Variants in CRTC1 observed in about 807,000 individuals in gnomAD.
The protein encoded by CRTC1 is CREB-regulated transcription coactivator 1.
CRTC1 carries 18 observed loss-of-function variants against 66.1 expected under a neutral mutation model. The ratio of observed to expected loss-of-function variants is 0.27; its 90% CI spans 0.19 to 0.40. CRTC1 has a LOEUF of 0.40. CRTC1 is among the 10% of genes least tolerant of loss of function. The pLI, the probability that CRTC1 is intolerant of heterozygous loss-of-function variation, is 1.00. For synonymous variants in CRTC1, 416 were observed against 398.8 expected, an observed-to-expected ratio of 1.04 and a Z score of -0.51; for missense variants, 669 against 887.9, an observed-to-expected ratio of 0.75 and a Z score of 3.13.
chr19:18,688,645 T>C (rs937375854), intron 1 of CRTC1, among the ~76,000 whole-genome samples: 14 of 151,712 alleles, frequency 9.2e-5, no homozygotes, highest in African/African-American at 3.4e-4. Context: ...ACCATGTTGG[T>C]CAGGCTGGTC....
At position 18,781,103 on chromosome 19, in the gene CRTC1, G is replaced by A. The variant is rs1437860612; in HGVS notation, c.*3721G>A. 2 of 227,648 alleles carry A rather than the reference G, an allele frequency of 8.8e-6. No homozygotes were observed. Among genetic ancestry groups the A allele is most frequent in the Non-Finnish European group, 1.7e-5 (2 of 114,616 alleles). The allele number at this position is 227,648 out of a possible 1,614,324, so 14.1% of individuals were successfully genotyped here. Reference sequence around the variant, plus strand: ...TCCCGATGGAGCCGTCTCAGAGGCCGAGGGGCCCTCTGTGTGGGGGTGGGA... The same window carrying A: ...TCCCGATGGAGCCGTCTCAGAGGCCAAGGGGCCCTCTGTGTGGGGGTGGGA... On this transcript the variant is annotated 3_prime_UTR_variant, in exon 14 of 14. Transcript: ENST00000321949.
chr19:18,777,107 C>A lies in CRTC1; in HGVS notation c.1694-64C>A. On this transcript the variant is annotated intron_variant, in intron 13 of 13. Transcript: ENST00000321949. The surrounding 1 kb of genome is among the most constrained non-coding windows in gnomAD (Gnocchi z 5.5). ...CGCCCGGCGGGCATGCCTGGTCCGA[C>A]ACATGGATGCGAGCGATGGAGCCAG... 1 of 931,762 alleles carries A rather than the reference C, an allele frequency of 1.1e-6. No homozygotes were observed. The highest frequency in any genetic ancestry group is 1.7e-6 in the Non-Finnish European group (1 of 581,948). The allele number at this position is 931,762 out of a possible 1,614,324, so 57.7% of individuals were successfully genotyped here. A position where few individuals can be genotyped will look rare whatever the true frequency, so the allele number is the denominator to read the frequency against.
chr19:18,757,708 T>TA (rs200843762), intron 6 of CRTC1, among the ~76,000 whole-genome samples: 2,132 of 150,978 alleles, frequency 0.014, 47 homozygotes, highest in African/African-American at 0.048. Flanking sequence ...CCTCATCTCT[T>TA]AAAAAAAAAT....
chr19:18,721,179 C>T (rs1200136276), intron 1 of CRTC1, among the ~76,000 whole-genome samples: 1 of 149,764 alleles, frequency 6.7e-6, no homozygotes, highest in Non-Finnish European at 1.5e-5. Flanking sequence ...GCATACCCTA[C>T]TCCAGTTCAA....
Position 18,777,390 on chromosome 19 carries a change from C to T in CRTC1, c.*8C>T, listed in dbSNP as rs536298039. On this transcript the variant is annotated 3_prime_UTR_variant, in exon 14 of 14. Transcript: ENST00000321949. This position sits in a 1 kb window ranked among gnomAD's most constrained non-coding sequence, Gnocchi z 5.5. ...CGGATGGACCGCCTGTGAGCGGGCA[C>T]GCCGGCACCCTGCCGCTCAGCCGTC... The T allele has an allele frequency of 5.6e-6, 9 of 1,600,032 alleles. No individual in the cohort carries two copies. The highest frequency in any genetic ancestry group is 4.5e-5 in the East Asian group (2 of 44,838).
chr19:18,687,406 T>C (rs141832045), intron 1 of CRTC1, among the ~76,000 whole-genome samples: 1,805 of 152,254 alleles, frequency 0.012, 17 homozygotes, highest in South Asian at 0.036. Context: ...TAGAGTTCCA[T>C]CCTTTGCTCC....
intron 6 of CRTC1, 86 bp from the exon 7 acceptor site, chr19:18,759,465 C>A (rs2054564176): frequency 1.5e-6 from 2 of 1,367,678 alleles, no homozygotes; most frequent in Non-Finnish European, 2.0e-6. Context: ...GTGGGAAGAT[C>A]AGCCGTTTCA....
intron 1 of CRTC1, among the ~76,000 whole-genome samples, chr19:18,722,925 G>A (rs1238788422): frequency 6.6e-6 from 1 of 152,118 alleles, no homozygotes; most frequent in Non-Finnish European, 1.5e-5. Context: ...TGTCCATGCT[G>A]TAGCATGGAT....
intron 1 of CRTC1, among the ~76,000 whole-genome samples, chr19:18,707,770 G>A (rs2053298424): frequency 6.6e-6 from 1 of 152,218 alleles, no homozygotes; most frequent in Non-Finnish European, 1.5e-5. Flanking sequence ...CAAGGCAGGA[G>A]GATCACTTGA....
chr19:18,779,130 C>T lies in CRTC1; in HGVS notation c.*1748C>T, dbSNP rs2055054429. The stretch of plus-strand genomic sequence containing the variant: ...CCCCCCAAAACTGCATTGCGGCTCT[C>T]GCTCGCTCCTGCCTGCCGGGACAGC... On this transcript the variant is annotated 3_prime_UTR_variant, in exon 14 of 14. Transcript: ENST00000321949. 1.3e-5 allele frequency: 3 copies of T among 232,556 alleles called. No homozygotes were observed. The highest frequency in any genetic ancestry group is 6.1e-5 in the East Asian group (1 of 16,474). The allele number at this position is 232,556 out of a possible 1,614,324, so 14.4% of individuals were successfully genotyped here. A position where few individuals can be genotyped will look rare whatever the true frequency, so the allele number is the denominator to read the frequency against.
At position 18,775,814 on chromosome 19, in the gene CRTC1, C is replaced by T. The variant is rs1291043225; in HGVS notation, c.1686C>T (p.Ile562=). 3 of 1,602,010 alleles carry T rather than the reference C, an allele frequency of 1.9e-6. No individual in the cohort carries two copies. The highest frequency in any genetic ancestry group is 2.6e-6 in the Non-Finnish European group (3 of 1,174,428). The change falls in exon 13 of 14, where the codon ATC becomes ATT. Residue 562 remains isoleucine, a synonymous_variant. Transcript: ENST00000321949. ...YASHSGIPNI[I]LTVTGESPPS... ...GCCACAGTGGCATCCCCAACATCAT[C>T]CTCACAGGTGAGGCCAGGCCGGGGG...
chr19:18,692,469 C>T (rs1004239220), intron 1 of CRTC1, among the ~76,000 whole-genome samples: 1 of 152,132 alleles, frequency 6.6e-6, no homozygotes, highest in Non-Finnish European at 1.5e-5. Flanking sequence ...GGCATGGTGG[C>T]ATGCACCTGT....
chr19:18,749,775 C>A lies in CRTC1; in HGVS notation c.444-6C>A, dbSNP rs1451238962. ...GGCTCATTGTCTCTTCCTCCCTCCCCACCAGGACCAATTCTGACTCCGCCC... is the reference window on the plus strand; with the variant it reads ...GGCTCATTGTCTCTTCCTCCCTCCCAACCAGGACCAATTCTGACTCCGCCC... On this transcript the variant is annotated splice_region_variant and splice_polypyrimidine_tract_variant and intron_variant, in intron 4 of 13. Coordinates refer to ENST00000321949, the MANE Select transcript of CRTC1 (RefSeq NM_015321.3). 3.1e-6 allele frequency: 5 copies of A among 1,613,296 alleles called. No individual in the cohort carries two copies. The highest frequency in any genetic ancestry group is 1.1e-5 in the South Asian group (1 of 91,066).
chr19:18,747,126 G>A lies in CRTC1; in HGVS notation c.443+12G>A. On this transcript the variant is annotated intron_variant, in intron 4 of 13. Coordinates refer to ENST00000321949, the MANE Select transcript of CRTC1 (RefSeq NM_015321.3). ...ACCAGCTGGAGAAGGTCAGTGGCTG[G>A]ACACCCCCCCCCCGCCCCCTTCTTG... 2 of 1,559,500 alleles carry A rather than the reference G, an allele frequency of 1.3e-6. No homozygotes were observed. Among genetic ancestry groups the A allele is most frequent in the East Asian group, 2.3e-5 (1 of 43,544 alleles).
chr19:18,747,657 C>T (rs1310608469), intron 4 of CRTC1, among the ~76,000 whole-genome samples: 2 of 152,000 alleles, frequency 1.3e-5, no homozygotes, highest in African/African-American at 2.4e-5. Flanking sequence ...GGGACGATAC[C>T]GCATATTCAG....
chr19:18,772,124 C>T (rs957978217), intron 11 of CRTC1, among the ~76,000 whole-genome samples: 1 of 152,178 alleles, frequency 6.6e-6, no homozygotes, highest in Admixed American at 6.5e-5. Context: ...CACCCATCAG[C>T]CCTGGGTTTT....
intron 1 of CRTC1, among the ~76,000 whole-genome samples, chr19:18,702,984 G>A (rs557650855): frequency 4.0e-4 from 60 of 151,112 alleles, no homozygotes; most frequent in African/African-American, 1.3e-3. Flanking sequence ...TCTCGCTCTC[G>A]CTCTGTTGCC....
intron 8 of CRTC1, among the ~76,000 whole-genome samples, chr19:18,762,854 G>A (rs568128722): frequency 6.6e-6 from 1 of 152,216 alleles, no homozygotes; most frequent in Non-Finnish European, 1.5e-5. Flanking sequence ...AAACTCCCTT[G>A]TATTCAGGGC....
intron 1 of CRTC1, among the ~76,000 whole-genome samples, chr19:18,722,449 G>A (rs537449712): frequency 7.9e-5 from 12 of 152,282 alleles, no homozygotes; most frequent in East Asian, 1.9e-4. Flanking sequence ...AGATGAGATC[G>A]TCTTGGATTT....
Sources: allele counts gnomAD v4.1 joint callset (sites outside exome capture counted in the v4.1 genomes callset), GRCh38; gene constraint gnomAD v4.1.1; non-coding constraint Gnocchi (gnomAD v3.1); transcripts MANE v1.5; gene names NCBI Gene and HGNC (gene_info 2026-07-23, HGNC 2026-07-21).